The following AK5 variants were observed in gnomAD, a reference collection of about 807,000 sequenced individuals.
AK5 encodes adenylate kinase 5.
In AK5, 27 loss-of-function variants were observed where a neutral mutation model predicts 69.5. The ratio of observed to expected loss-of-function variants is 0.39; its 90% CI spans 0.29 to 0.54. The LOEUF is 0.54. Ranked by LOEUF, AK5 falls within the 20% of genes least tolerant of loss-of-function variation. The pLI is 0.71. For missense variants in AK5, 531 were observed against 700.4 expected (o/e 0.76, Z 2.73); for synonymous variants, 260 against 244.4 (o/e 1.06, Z -0.60).
chr1:77,494,837 A>G (rs1656213036), intron 10 of AK5, among the ~76,000 whole-genome samples: 2 of 150,222 alleles, frequency 1.3e-5, no homozygotes, highest in South Asian at 4.2e-4. Flanking sequence ...GCTGGAGTGC[A>G]GTGGCTCTAT....
chr1:77,317,008 A>G (rs1660277452), intron 5 of AK5, among the ~76,000 whole-genome samples: 1 of 152,212 alleles, frequency 6.6e-6, no homozygotes, highest in Non-Finnish European at 1.5e-5. Context: ...CAATATTTAT[A>G]ATTTCACGTG....
At chr1:77,347,315 C>T (rs574991809) in intron 6 of AK5, among the ~76,000 whole-genome samples, 1 of 152,100 alleles carries the variant, frequency 6.6e-6, no homozygotes, top group African/African-American at 2.4e-5. Flanking sequence ...TGAGAAATAC[C>T]GTATCCATTT....
In AK5 at chr1:77,536,043, GTCACT is replaced by G. The variant is rs1473985458; in HGVS notation, c.1620+12_1620+16del. On this transcript the variant is annotated splice_donor_region_variant and intron_variant, in intron 13 of 13. Transcript: ENST00000354567. Reference sequence around the variant, plus strand: ...ACAAAAACACAGCTACACAAGGCGAGTCACTTCACTTTCTCCTCTGAAATGAGCCG... The same window carrying G: ...ACAAAAACACAGCTACACAAGGCGAGTCACTTTCTCCTCTGAAATGAGCCG... 5.6e-6 allele frequency: 9 copies of G among 1,602,180 alleles called. No homozygotes were observed. The highest frequency in any genetic ancestry group is 7.7e-6 in the Non-Finnish European group (9 of 1,175,698).
At chr1:77,533,792 ACAAT>A in intron 12 of AK5, among the ~76,000 whole-genome samples, 1 of 152,096 alleles carries the variant, frequency 6.6e-6, no homozygotes. Context: ...AAATAACCCC[ACAAT>A]TGGAAAAATC....
chr1:77,368,106 G>T (rs1647032866), intron 6 of AK5, among the ~76,000 whole-genome samples: 1 of 135,404 alleles, frequency 7.4e-6, no homozygotes, highest in Admixed American at 8.5e-5. Context: ...TCTGCTTAAG[G>T]TATATATAAG....
At chr1:77,549,228 C>A (rs1659690635) in intron 13 of AK5, among the ~76,000 whole-genome samples, 1 of 152,060 alleles carries the variant, frequency 6.6e-6, no homozygotes, top group African/African-American at 2.4e-5. Flanking sequence ...CAGAACATCA[C>A]TTACTGTGGG....
chr1:77,316,948 C>T (rs1314483388), intron 5 of AK5, among the ~76,000 whole-genome samples: 4 of 152,174 alleles, frequency 2.6e-5, no homozygotes, highest in African/African-American at 7.2e-5. Flanking sequence ...TATATCAAGG[C>T]ATGGTTGCTG....
At chr1:77,398,997 T>G (rs1194049550) in intron 6 of AK5, among the ~76,000 whole-genome samples, 1 of 152,184 alleles carries the variant, frequency 6.6e-6, no homozygotes, top group Non-Finnish European at 1.5e-5. Flanking sequence ...TTAAGCAACT[T>G]TTGATTGAGA....
At chr1:77,455,279 G>A (rs556666464) in intron 8 of AK5, among the ~76,000 whole-genome samples, 17 of 152,278 alleles carry the variant, frequency 1.1e-4, no homozygotes, top group Admixed American at 6.5e-4. Flanking sequence ...CAATATGACC[G>A]TGTTGGGAAG....
At chr1:77,323,329 C>T (rs1452523530) in intron 5 of AK5, among the ~76,000 whole-genome samples, 3 of 152,116 alleles carry the variant, frequency 2.0e-5, no homozygotes, top group African/African-American at 7.2e-5. Flanking sequence ...AACTGTTTCC[C>T]ATGCATGTAA....
intron 8 of AK5, among the ~76,000 whole-genome samples, chr1:77,422,878 G>A (rs532235894): frequency 6.6e-6 from 1 of 152,190 alleles, no homozygotes; most frequent in East Asian, 1.9e-4. Context: ...CCCCTTTTGG[G>A]CCTCAATTTT....
At chr1:77,295,334 A>G (rs558701591) in intron 3 of AK5, among the ~76,000 whole-genome samples, 17 of 152,366 alleles carry the variant, frequency 1.1e-4, no homozygotes, top group Non-Finnish European at 2.9e-5. Context: ...ATTTAAGCTC[A>G]CCAGACTAGA....
At chr1:77,340,225 G>C in intron 5 of AK5, 152 bp from the exon 6 acceptor site, 1 of 674,748 alleles carries the variant, frequency 1.5e-6, no homozygotes. Context: ...CCTGGCCTTG[G>C]GTAGAGCAGC....
rs906975082 is a variant in AK5 at position 77,554,113 on chromosome 1, G to A, written c.1621-4489G>A. ...TGTCCTGAGTAGGCAAATCTATGGC[G>A]ACACCTCATTCCAACCTATTTTTCC... On this transcript the variant is annotated intron_variant, in intron 13 of 13. Transcript: ENST00000354567. 5.9e-5 allele frequency among the ~76,000 whole-genome samples: 9 copies of A among 152,086 alleles called. No individual in the cohort carries two copies. In the South Asian group the frequency reaches 1.0e-3, roughly 17 times the overall value.
chr1:77,476,516 C>T (rs982938230), intron 8 of AK5, among the ~76,000 whole-genome samples: 5 of 152,210 alleles, frequency 3.3e-5, no homozygotes, highest in Non-Finnish European at 5.9e-5. Flanking sequence ...CCAGCTTCAG[C>T]TCCACTTTTA....
intron 13 of AK5, among the ~76,000 whole-genome samples, chr1:77,544,402 A>G (rs1255010284): frequency 6.6e-6 from 1 of 152,162 alleles, no homozygotes; most frequent in Non-Finnish European, 1.5e-5. Context: ...TTTTTACTTT[A>G]TAAGCTTTTA....
intron 8 of AK5, among the ~76,000 whole-genome samples, chr1:77,418,810 G>T (rs1414204565): frequency 6.6e-6 from 1 of 152,054 alleles, no homozygotes; most frequent in Admixed American, 6.6e-5. Context: ...TGTAATGGCT[G>T]GCTGTATATT....
chr1:77,406,830 G>A (rs1027672831), intron 6 of AK5, among the ~76,000 whole-genome samples: 1 of 152,028 alleles, frequency 6.6e-6, no homozygotes, highest in South Asian at 2.1e-4. Flanking sequence ...ATGGGGAGAG[G>A]CTTTGCTCAA....
intron 13 of AK5, among the ~76,000 whole-genome samples, chr1:77,547,463 G>A (rs1283934248): frequency 2.6e-5 from 4 of 151,870 alleles, no homozygotes; most frequent in African/African-American, 7.3e-5. Context: ...TAGTAGAGAC[G>A]GGGTTTCGCC....
Sources: gnomAD v4.1 joint callset for allele counts (sites outside exome capture counted in the v4.1 genomes callset) on GRCh38, gnomAD v4.1.1 for gene constraint, MANE v1.5 for transcripts, NCBI Gene and HGNC (gene_info 2026-07-23, HGNC 2026-07-21) for gene names.